The following EFEMP1 variants were observed in gnomAD, a reference collection of about 807,000 sequenced individuals.
The protein encoded by EFEMP1 is EGF-like fibulin extracellular matrix protein 1.
Under a neutral mutation model 65.7 loss-of-function variants are expected in EFEMP1, and 18 were observed. The observed-to-expected ratio is 0.27, with a 90% CI of 0.19 to 0.41. The LOEUF (loss-of-function observed/expected upper bound fraction) is 0.41, where lower values mean the gene tolerates loss of function less well. EFEMP1 is among the 10% of genes least tolerant of loss of function. EFEMP1 has a pLI of 1.00. For missense variants in EFEMP1, 469 were observed against 624.8 expected (o/e 0.75, Z 2.66); for synonymous variants, 237 against 219.7 (o/e 1.08, Z -0.70).
rs781551202 is a variant in EFEMP1, at chr2:55,881,597, C to T, written c.640+15G>A. 1 of 1,613,208 alleles carries T rather than the reference C, an allele frequency of 6.2e-7. No individual in the cohort carries two copies. The highest frequency in any genetic ancestry group is 1.1e-5 in the South Asian group (1 of 91,048). On this transcript the variant is annotated intron_variant, in intron 6 of 11. Coordinates refer to ENST00000355426, the MANE Select transcript of EFEMP1 (RefSeq NM_001039348.3). Reference sequence around the variant, plus strand: ...ACTCAAGACAGGACCGTGCTCACTGCACTGTGGTACTTACCTACGCACTGC... The same window carrying T: ...ACTCAAGACAGGACCGTGCTCACTGTACTGTGGTACTTACCTACGCACTGC...
At chr2:55,882,899 T>C (rs1669297432) in intron 5 of EFEMP1, among the ~76,000 whole-genome samples, 1 of 152,034 alleles carries the variant, frequency 6.6e-6, no homozygotes, top group African/African-American at 2.4e-5. Context: ...AAAGAATCAA[T>C]AATAAAAAAT....
intron 5 of EFEMP1, among the ~76,000 whole-genome samples, chr2:55,899,338 AGGT>A (rs2104421956): frequency 1.3e-5 from 2 of 152,356 alleles, no homozygotes; most frequent in South Asian, 2.1e-4. Context: ...CTTGTAAGAA[AGGT>A]GGTGTGCCTA....
Position 55,871,017 on chromosome 2 carries a change from G to A in EFEMP1, c.1107C>T (p.Tyr369=), listed in dbSNP as rs760845391. ...TTTCTTACTTCTCTGGTGTTAGAAT[G>A]TAGGGATCTTGACAAGGATTTCGTG... ...CYPRNPCQDP[Y]ILTPENRCVC... Residue 369 remains tyrosine, a synonymous_variant, in exon 10 of 12, where the codon TAC becomes TAT. Transcript: ENST00000355426. The surrounding 1 kb of genome is among the most constrained non-coding windows in gnomAD (Gnocchi z 4.2). 44 of 1,613,624 alleles carry A rather than the reference G, an allele frequency of 2.7e-5. No homozygotes were observed. The South Asian group carries it at 4.8e-4, about 18-fold the overall frequency.
chr2:55,919,710 A>G lies in EFEMP1; in HGVS notation c.82-1443T>C, dbSNP rs1330924276. Among the ~76,000 whole-genome samples the G allele has an allele frequency of 6.6e-6, 1 of 152,208 alleles. No individual in the cohort carries two copies. Reference sequence around the variant, plus strand: ...TGGAAGCCCAGAGATCCATTTAGATATTTTACTGATGTCTGAAACTTACTG... The same window carrying G: ...TGGAAGCCCAGAGATCCATTTAGATGTTTTACTGATGTCTGAAACTTACTG... On this transcript the variant is annotated intron_variant, in intron 3 of 11. Transcript: ENST00000355426. The surrounding 1 kb of genome is among the most constrained non-coding windows in gnomAD (Gnocchi z 4.5).
chr2:55,895,045 A>G (rs1669764251), intron 5 of EFEMP1, among the ~76,000 whole-genome samples: 1 of 152,146 alleles, frequency 6.6e-6, no homozygotes, highest in African/African-American at 2.4e-5. Context: ...ACTGCCTTCT[A>G]TTGGTCTGTG....
At chr2:55,912,771 T>A (rs1290985506) in intron 5 of EFEMP1, among the ~76,000 whole-genome samples, 1 of 152,180 alleles carries the variant, frequency 6.6e-6, no homozygotes, top group Non-Finnish European at 1.5e-5. Context: ...AGCTGAAAGT[T>A]GGAAAAAATA....
intron 5 of EFEMP1, among the ~76,000 whole-genome samples, chr2:55,912,845 A>C (rs1475278232): frequency 8.5e-5 from 13 of 152,120 alleles, no homozygotes; most frequent in Admixed American, 8.5e-4. Flanking sequence ...TGTGTGGTGA[A>C]ATTTTTTCTA....
rs1668597076 is a variant in EFEMP1, at chr2:55,866,896, T to G, written c.*177A>C. 2.6e-6 allele frequency: 2 copies of G among 782,496 alleles called. No individual in the cohort carries two copies. The allele number at this position is 782,496 out of a possible 1,614,324, so 48.5% of individuals were successfully genotyped here. On this transcript the variant is annotated 3_prime_UTR_variant, in exon 12 of 12. Transcript: ENST00000355426. The stretch of plus-strand genomic sequence containing the variant: ...TTTACATATAGTAATAAAGACAAAC[T>G]TTGAATCTTTACATATTAAATGCCC...
At chr2:55,912,563 A>G (rs1414964538) in intron 5 of EFEMP1, among the ~76,000 whole-genome samples, 1 of 152,216 alleles carries the variant, frequency 6.6e-6, no homozygotes, top group Non-Finnish European at 1.5e-5. Context: ...AGAGTAGTTT[A>G]GTTACCCTTA....
chr2:55,908,974 C>T (rs755402421), intron 5 of EFEMP1, among the ~76,000 whole-genome samples: 42 of 152,254 alleles, frequency 2.8e-4, no homozygotes, highest in Non-Finnish European at 4.7e-4. Context: ...TTATGGAAAA[C>T]CTAGTAATCC....
intron 5 of EFEMP1, among the ~76,000 whole-genome samples, chr2:55,895,724 G>A (rs1415534398): frequency 1.3e-5 from 2 of 151,604 alleles, no homozygotes; most frequent in Non-Finnish European, 2.9e-5. Flanking sequence ...TGTATTTTTA[G>A]TAGAGACGGG....
intron 5 of EFEMP1, among the ~76,000 whole-genome samples, chr2:55,900,908 G>T (rs762118217): frequency 2.6e-5 from 4 of 152,136 alleles, no homozygotes; most frequent in Non-Finnish European, 5.9e-5. Flanking sequence ...CTCTTATTGA[G>T]ATACCTATTC....
At position 55,922,675 on chromosome 2, in the gene EFEMP1, T is replaced by A; in HGVS notation, c.-8+224A>T. On this transcript the variant is annotated intron_variant, in intron 2 of 11. Coordinates refer to ENST00000355426, the MANE Select transcript of EFEMP1 (RefSeq NM_001039348.3). This position sits in a 1 kb window ranked among gnomAD's most constrained non-coding sequence, Gnocchi z 5.5. ...ACTGCTGTAGAATTGCATTTCACGTTACTCCATCCTGCTACGCTGTTTACA... is the reference window on the plus strand; with the variant it reads ...ACTGCTGTAGAATTGCATTTCACGTAACTCCATCCTGCTACGCTGTTTACA... 7.7e-6 allele frequency: 4 copies of A among 518,186 alleles called. No homozygotes were observed. The highest frequency in any genetic ancestry group is 5.7e-5 in the South Asian group (3 of 52,334). 32.1% of individuals were successfully genotyped at this position (518,186 alleles called of 1,614,324 possible).
chr2:55,902,070 C>T (rs1264186322), intron 5 of EFEMP1, among the ~76,000 whole-genome samples: 1 of 152,146 alleles, frequency 6.6e-6, no homozygotes, highest in East Asian at 1.9e-4. Context: ...TGTCAGAGAC[C>T]CAAAGTCAGA....
At position 55,918,029 on chromosome 2, in the gene EFEMP1, G is replaced by A. The variant is rs747221429; in HGVS notation, c.153C>T (p.Val51=). ...QCKDIDECDI[V]PDACKGGMKC... ...TCATTCCACCTTTACAAGCGTCTGG[G>A]ACAATGTCACATTCATCAATATCTG... The change falls in exon 5 of 12, where the codon GTC becomes GTT. Residue 51 remains valine (V), a synonymous_variant. Coordinates refer to ENST00000355426, the MANE Select transcript of EFEMP1 (RefSeq NM_001039348.3). 3.7e-6 allele frequency: 6 copies of A among 1,614,196 alleles called. No homozygotes were observed. Among genetic ancestry groups the A allele is most frequent in the Non-Finnish European group, 5.1e-6 (6 of 1,180,034 alleles).
intron 5 of EFEMP1, among the ~76,000 whole-genome samples, chr2:55,898,120 T>C (rs1367529361): frequency 6.6e-6 from 1 of 152,208 alleles, no homozygotes; most frequent in East Asian, 1.9e-4. Context: ...GTTTAATGAA[T>C]GTGAGCATGA....
Position 55,919,269 on chromosome 2 carries a change from A to G in EFEMP1, c.82-1002T>C, listed in dbSNP as rs1670826333. On this transcript the variant is annotated intron_variant, in intron 3 of 11. Coordinates refer to ENST00000355426, the MANE Select transcript of EFEMP1 (RefSeq NM_001039348.3). The surrounding 1 kb of genome is among the most constrained non-coding windows in gnomAD (Gnocchi z 4.5). ...CAAGAAAGCCTTTCTTTAGGAATGG[A>G]AGCCTGAATTCTACCCTGAAGGTCA... Among the ~76,000 whole-genome samples the G allele has an allele frequency of 6.6e-6, 1 of 152,202 alleles. No individual in the cohort carries two copies. The highest frequency in any genetic ancestry group is 2.4e-5 in the African/African-American group (1 of 41,452).
At chr2:55,915,557 C>T (rs559793188) in intron 5 of EFEMP1, among the ~76,000 whole-genome samples, 1 of 152,196 alleles carries the variant, frequency 6.6e-6, no homozygotes, top group East Asian at 1.9e-4. Context: ...GGGCATTGTT[C>T]TTGAATTCAA....
intron 5 of EFEMP1, among the ~76,000 whole-genome samples, chr2:55,903,716 G>A (rs1381715622): frequency 6.6e-6 from 1 of 152,028 alleles, no homozygotes; most frequent in Non-Finnish European, 1.5e-5. Context: ...CAATTTATTA[G>A]GTGTCACCTT....
Sources: gnomAD v4.1 joint callset for allele counts (sites outside exome capture counted in the v4.1 genomes callset) on GRCh38, gnomAD v4.1.1 for gene constraint, Gnocchi (gnomAD v3.1) non-coding constraint, MANE v1.5 for transcripts, NCBI Gene and HGNC (gene_info 2026-07-23, HGNC 2026-07-21) for gene names.